Variants in PLCB1 observed in about 807,000 individuals in gnomAD.
PLCB1 encodes phospholipase C beta 1, also known as 1-phosphatidylinositol 4,5-bisphosphate phosphodiesterase beta-1.
PLCB1 carries 46 observed loss-of-function variants against 161.8 expected under a neutral mutation model. The observed-to-expected ratio is 0.28, with a 90% CI of 0.22 to 0.36. The LOEUF is 0.36. PLCB1 is among the 10% of genes least tolerant of loss of function. The pLI, the probability that PLCB1 is intolerant of heterozygous loss-of-function variation, is 1.00. For synonymous variants in PLCB1, 517 were observed against 503.7 expected (o/e 1.03, Z -0.35); for missense variants, 1,016 against 1,472.5 (o/e 0.69, Z 5.07).
intron 31 of PLCB1, among the ~76,000 whole-genome samples, chr20:8,798,709 A>G (rs572241791): frequency 6.6e-5 from 10 of 152,256 alleles, no homozygotes; most frequent in African/African-American, 2.2e-4. Context: ...ATCAGCAACA[A>G]TGCCTGAGTA....
chr20:8,366,957 G>A (rs1986730140), intron 2 of PLCB1, among the ~76,000 whole-genome samples: 1 of 152,152 alleles, frequency 6.6e-6, no homozygotes, highest in African/African-American at 2.4e-5. Context: ...GAAGTATAAT[G>A]CAAAGGTTCT....
chr20:8,602,156 T>C (rs1265813662), intron 3 of PLCB1, among the ~76,000 whole-genome samples: 5 of 152,222 alleles, frequency 3.3e-5, no homozygotes, highest in Non-Finnish European at 7.3e-5. Context: ...AGTATAATTT[T>C]CCAATACCCA....
intron 3 of PLCB1, among the ~76,000 whole-genome samples, chr20:8,546,731 T>C (rs1985564814): frequency 6.6e-6 from 1 of 152,066 alleles, no homozygotes; most frequent in Admixed American, 6.6e-5. Flanking sequence ...AATGTTGTGT[T>C]CTGGATGTTT....
chr20:8,315,528 G>A (rs1056988893), intron 2 of PLCB1, among the ~76,000 whole-genome samples: 9 of 152,188 alleles, frequency 5.9e-5, no homozygotes, highest in African/African-American at 2.2e-4. Context: ...AGATCTGGAA[G>A]TGTAACCTTG....
At chr20:8,462,441 A>G (rs1981622080) in intron 3 of PLCB1, among the ~76,000 whole-genome samples, 1 of 152,180 alleles carries the variant, frequency 6.6e-6, no homozygotes, top group Non-Finnish European at 1.5e-5. Flanking sequence ...GCATTTCTGA[A>G]AGAGAACAGA....
chr20:8,405,209 T>G (rs1054276462), intron 3 of PLCB1, among the ~76,000 whole-genome samples: 12 of 152,200 alleles, frequency 7.9e-5, no homozygotes, highest in African/African-American at 2.9e-4. Context: ...GTGGCTCTGC[T>G]GATTTGGGCT....
chr20:8,350,034 A>G (rs1450650454), intron 2 of PLCB1, among the ~76,000 whole-genome samples: 1 of 152,168 alleles, frequency 6.6e-6, no homozygotes, highest in Non-Finnish European at 1.5e-5. Flanking sequence ...ACAAACGTCT[A>G]TTGTTTTTCT....
intron 3 of PLCB1, among the ~76,000 whole-genome samples, chr20:8,403,656 A>G (rs1397753241): frequency 1.3e-5 from 2 of 151,380 alleles, no homozygotes; most frequent in East Asian, 4.0e-4. Context: ...GCTACTTGGA[A>G]GCCTGAAGCA....
At chr20:8,871,328 G>T (rs984771876) in intron 31 of PLCB1, among the ~76,000 whole-genome samples, 1 of 152,126 alleles carries the variant, frequency 6.6e-6, no homozygotes, top group Non-Finnish European at 1.5e-5. Flanking sequence ...TGTCTCCCCA[G>T]TGAATGTCAT....
chr20:8,786,641 A>G (rs1453412993), intron 27 of PLCB1, among the ~76,000 whole-genome samples: 1 of 151,668 alleles, frequency 6.6e-6, no homozygotes, highest in East Asian at 1.9e-4. Context: ...AATAACACCA[A>G]CCGCATAGGG....
Position 8,457,714 on chromosome 20 carries a change from G to GCGCACA in PLCB1, c.246+86265_246+86266insGCACAC, listed in dbSNP as rs1555808428. Among the ~76,000 whole-genome samples the GCGCACA allele has an allele frequency of 4.8e-3, 704 of 145,830 alleles. 2 individuals are homozygous for GCGCACA. Among genetic ancestry groups the GCGCACA allele is most frequent in the Admixed American group, 7.7e-3 (113 of 14,582 alleles). On this transcript the variant is annotated intron_variant, in intron 3 of 31. Coordinates refer to ENST00000338037, the MANE Select transcript of PLCB1 (RefSeq NM_015192.4). ...CTACTTATACCCCTAATGTGTGCGC[G>GCGCACA]CACACACACACACACACACACACAC...
intron 2 of PLCB1, among the ~76,000 whole-genome samples, chr20:8,307,602 A>C (rs894605073): frequency 6.6e-6 from 1 of 151,958 alleles, no homozygotes; most frequent in Non-Finnish European, 1.5e-5. Flanking sequence ...ACCTAATCCC[A>C]ATTAATCATT....
intron 27 of PLCB1, among the ~76,000 whole-genome samples, chr20:8,781,553 A>G (rs1398352556): frequency 6.6e-6 from 1 of 151,964 alleles, no homozygotes; most frequent in Non-Finnish European, 1.5e-5. Flanking sequence ...GCTTCGTATT[A>G]CTTTATTGCA....
rs1215596735 is a variant in PLCB1 at position 8,737,039 on chromosome 20, T to C, written c.2055T>C (p.Gly685=). The C allele has an allele frequency of 1.2e-6, 2 of 1,611,312 alleles. No homozygotes were observed. The highest frequency in any genetic ancestry group is 3.3e-5 in the Admixed American group (2 of 59,870). Residue 685 remains glycine, a synonymous_variant, in exon 20 of 32, where the codon GGT becomes GGC. Transcript: ENST00000338037. ...TATTGATTTTCTAGATTATTTCAGG[T>C]CAGTTTCTTTCTGATAAGAAAGTTG... ...ANTLSVKIIS[G]QFLSDKKVGT...
chr20:8,412,709 T>G (rs1979096978), intron 3 of PLCB1, among the ~76,000 whole-genome samples: 1 of 152,180 alleles, frequency 6.6e-6, no homozygotes, highest in African/African-American at 2.4e-5. Context: ...ATCAAGATTA[T>G]AAGATTATAA....
intron 2 of PLCB1, among the ~76,000 whole-genome samples, chr20:8,214,861 C>T (rs1277960981): frequency 6.6e-6 from 1 of 152,002 alleles, no homozygotes. Context: ...AGTGCTACTC[C>T]TGAAGTTATT....
At position 8,750,845 on chromosome 20, in the gene PLCB1, T is replaced by C. The variant is rs1417938646; in HGVS notation, c.2524-6201T>C. On this transcript the variant is annotated intron_variant, in intron 23 of 31. Coordinates refer to ENST00000338037, the MANE Select transcript of PLCB1 (RefSeq NM_015192.4). ...ATGAAATTATGAGACTCACCCGTAA[T>C]ACGCTGGAAAAACTGATGGCCTTAC... 4 of 1,365,522 alleles carry C rather than the reference T, an allele frequency of 2.9e-6. No individual in the cohort carries two copies. The African/African-American group carries it at 5.9e-5, about 20-fold the overall frequency. 84.6% of individuals were successfully genotyped at this position (1,365,522 alleles called of 1,614,324 possible).
At chr20:8,818,774 C>G (rs1985194376) in intron 31 of PLCB1, among the ~76,000 whole-genome samples, 1 of 151,914 alleles carries the variant, frequency 6.6e-6, no homozygotes, top group African/African-American at 2.4e-5. Context: ...AACCCCGTCT[C>G]TACTAAAAAT....
At chr20:8,614,840 G>A (rs1988003786) in intron 3 of PLCB1, among the ~76,000 whole-genome samples, 1 of 152,056 alleles carries the variant, frequency 6.6e-6, no homozygotes, top group Non-Finnish European at 1.5e-5. Flanking sequence ...TCTGTTGACA[G>A]CACTGGTCTG....
Sources: gnomAD v4.1 joint callset for allele counts (sites outside exome capture counted in the v4.1 genomes callset) on GRCh38, gnomAD v4.1.1 for gene constraint, MANE v1.5 for transcripts, NCBI Gene and HGNC (gene_info 2026-07-23, HGNC 2026-07-21) for gene names.